The following RALGAPA1 variants were observed in gnomAD, a reference collection of about 807,000 sequenced individuals.
The protein encoded by RALGAPA1 is Ral GTPase activating protein catalytic subunit alpha 1, also known as ral GTPase-activating protein subunit alpha-1.
Under a neutral mutation model 269.6 loss-of-function variants are expected in RALGAPA1, and 52 were observed. That is an observed-to-expected ratio of 0.19 (90% CI 0.15 to 0.24). The LOEUF (loss-of-function observed/expected upper bound fraction) is 0.24, where lower values mean the gene tolerates loss of function less well. Among genes scored for constraint, RALGAPA1 ranks in the 10% least tolerant of loss-of-function variants. The pLI is 1.00. For synonymous variants in RALGAPA1, 817 were observed against 1,008.3 expected (o/e 0.81, Z 3.60); for missense variants, 1,917 against 3,013.9 (o/e 0.64, Z 8.52).
At chr14:35,624,956 C>T (rs557989143) in intron 35 of RALGAPA1, among the ~76,000 whole-genome samples, 26 of 151,858 alleles carry the variant, frequency 1.7e-4, no homozygotes, top group South Asian at 1.0e-3. Context: ...TTTGGGAGGC[C>T]GAGGCGGGCA....
intron 1 of RALGAPA1, among the ~76,000 whole-genome samples, chr14:35,786,948 G>A (rs532491869): frequency 1.3e-5 from 2 of 152,140 alleles, no homozygotes; most frequent in African/African-American, 2.4e-5. Flanking sequence ...TCATGCTTAT[G>A]AACTACAAAA....
At chr14:35,588,166 C>T (rs1046050797) in intron 37 of RALGAPA1, among the ~76,000 whole-genome samples, 4 of 152,202 alleles carry the variant, frequency 2.6e-5, no homozygotes, top group Admixed American at 6.5e-5. Context: ...CTTGACCTCA[C>T]GTTCCGCCCG....
At chr14:35,645,346 G>GGGGTGTGTGTGTGTGTGTGTGT (rs71445953) in intron 31 of RALGAPA1, among the ~76,000 whole-genome samples, 48 of 129,544 alleles carry the variant, frequency 3.7e-4, no homozygotes, top group African/African-American at 1.4e-3. Context: ...TATAGAGATG[G>GGGGTGTGTGTGTGTGTGTGTGT]GTGTGTGTGT....
At chr14:35,612,752 A>G (rs2060032642) in intron 35 of RALGAPA1, among the ~76,000 whole-genome samples, 1 of 151,962 alleles carries the variant, frequency 6.6e-6, no homozygotes, top group Non-Finnish European at 1.5e-5. Flanking sequence ...GTTAGCCAGG[A>G]TGGTCTCGAT....
intron 37 of RALGAPA1, 60 bp from the exon 38 acceptor site, chr14:35,572,778 G>T: frequency 8.4e-7 from 1 of 1,196,764 alleles, no homozygotes; most frequent in Non-Finnish European, 1.1e-6. Flanking sequence ...CAGTCATACA[G>T]TCACATACAA....
chr14:35,699,514 C>A (rs1305887027), intron 17 of RALGAPA1, among the ~76,000 whole-genome samples: 1 of 151,932 alleles, frequency 6.6e-6, no homozygotes, highest in Non-Finnish European at 1.5e-5. Flanking sequence ...GTACTGGGGA[C>A]CAACGACCTG....
chr14:35,565,100 GGAA>G (rs1489494358), intron 39 of RALGAPA1, among the ~76,000 whole-genome samples: 3 of 151,804 alleles, frequency 2.0e-5, no homozygotes, highest in Admixed American at 6.6e-5. Context: ...TATTTTTGAA[GGAA>G]GAAAAACTAC....
chr14:35,622,320 CA>C (rs1281387538), intron 35 of RALGAPA1, among the ~76,000 whole-genome samples: 7 of 151,800 alleles, frequency 4.6e-5, no homozygotes, highest in African/African-American at 9.7e-5. Flanking sequence ...ACAATGAGAT[CA>C]CTTGGACATA....
intron 37 of RALGAPA1, among the ~76,000 whole-genome samples, chr14:35,588,673 C>A (rs527934596): frequency 2.2e-4 from 33 of 152,240 alleles, no homozygotes; most frequent in Non-Finnish European, 4.1e-4. Flanking sequence ...TTAGTACAGG[C>A]ATTACGGAAA....
At chr14:35,654,268 C>CA (rs968911034) in intron 30 of RALGAPA1, 99 bp downstream of exon 30, 4 of 1,261,278 alleles carry the variant, frequency 3.2e-6, no homozygotes, top group Non-Finnish European at 4.2e-6. Context: ...TTTAGCTATG[C>CA]AAAAAAATTT....
rs1359617610 is a variant in RALGAPA1, at chr14:35,808,943, T to G, written c.-108A>C. 6.7e-7 allele frequency: 1 copy of G among 1,490,320 alleles called. No homozygotes were observed. The highest frequency in any genetic ancestry group is 2.5e-5 in the East Asian group (1 of 40,584). 92.3% of individuals were successfully genotyped at this position (1,490,320 alleles called of 1,614,324 possible). A position where few individuals can be genotyped will look rare whatever the true frequency, so the allele number is the denominator to read the frequency against. On this transcript the variant is annotated 5_prime_UTR_variant, in exon 1 of 42. The change abolishes an upstream ATG in the 5' untranslated region. Transcript: ENST00000680220. Reference sequence around the variant, plus strand: ...GGAGGAGACTAGCCAGAGAGGCTCATTAGCTCCCCAGCCTTGCGGGCCAGG... The same window carrying G: ...GGAGGAGACTAGCCAGAGAGGCTCAGTAGCTCCCCAGCCTTGCGGGCCAGG...
intron 1 of RALGAPA1, among the ~76,000 whole-genome samples, chr14:35,797,773 A>G (rs1191510653): frequency 6.7e-6 from 1 of 149,524 alleles, no homozygotes; most frequent in Non-Finnish European, 1.5e-5. Context: ...TGAACCCGGG[A>G]TACGGAGGTT....
chr14:35,553,419 C>T (rs2055216394), intron 39 of RALGAPA1, among the ~76,000 whole-genome samples: 1 of 152,126 alleles, frequency 6.6e-6, no homozygotes, highest in African/African-American at 2.4e-5. Context: ...AGTATTTCAA[C>T]TTTATTAACA....
At chr14:35,550,042 C>G (rs144510107) in intron 39 of RALGAPA1, among the ~76,000 whole-genome samples, 1 of 152,196 alleles carries the variant, frequency 6.6e-6, no homozygotes, top group Non-Finnish European at 1.5e-5. Flanking sequence ...TACCTTGAAG[C>G]GTTGTTGCTT....
chr14:35,571,098 T>C (rs919193739), intron 38 of RALGAPA1, among the ~76,000 whole-genome samples: 23 of 152,234 alleles, frequency 1.5e-4, no homozygotes, highest in Admixed American at 1.0e-3. Flanking sequence ...GAAAAATATA[T>C]ACTTATAGGC....
intron 12 of RALGAPA1, among the ~76,000 whole-genome samples, chr14:35,734,523 C>G (rs186215247): frequency 6.2e-4 from 94 of 152,234 alleles, no homozygotes; most frequent in African/African-American, 2.2e-3. Context: ...AAAACTGGAT[C>G]CTCATCTCTA....
chr14:35,541,391 AAT>A (rs1240965563), intron 41 of RALGAPA1, among the ~76,000 whole-genome samples: 1 of 152,136 alleles, frequency 6.6e-6, no homozygotes, highest in Non-Finnish European at 1.5e-5. Context: ...CTTAAGAAAA[AAT>A]ATATGTTTCC....
intron 35 of RALGAPA1, among the ~76,000 whole-genome samples, chr14:35,609,052 C>G (rs888651166): frequency 7.2e-5 from 11 of 151,878 alleles, no homozygotes; most frequent in Non-Finnish European, 1.5e-4. Context: ...CGGTGTAACC[C>G]CGTCTCTACT....
At chr14:35,648,739 A>G (rs2062627170) in intron 31 of RALGAPA1, among the ~76,000 whole-genome samples, 1 of 152,160 alleles carries the variant, frequency 6.6e-6, no homozygotes, top group Non-Finnish European at 1.5e-5. Context: ...TGGAGGTTGC[A>G]GTGAGTCTAG....
Sources: gnomAD v4.1 joint callset for allele counts (sites outside exome capture counted in the v4.1 genomes callset) on GRCh38, gnomAD v4.1.1 for gene constraint, MANE v1.5 for transcripts, NCBI Gene and HGNC (gene_info 2026-07-23, HGNC 2026-07-21) for gene names.